The following EXOC6B variants were observed in gnomAD, a reference collection of about 807,000 sequenced individuals.
EXOC6B encodes SEC15 homolog B.
A neutral mutation model predicts 113.5 loss-of-function variants in EXOC6B; 54 were observed. The observed-to-expected ratio is 0.48, with a 90% CI of 0.38 to 0.60. EXOC6B has a LOEUF of 0.60. Ranked by LOEUF, EXOC6B falls within the 20% of genes least tolerant of loss-of-function variation. The pLI is 0.00. For synonymous variants in EXOC6B, 357 were observed against 339.0 expected (o/e 1.05, Z -0.58); for missense variants, 797 against 977.5 (o/e 0.82, Z 2.46).
chr2:72,418,734 A>G (rs1467944872), intron 18 of EXOC6B, among the ~76,000 whole-genome samples: 1 of 152,078 alleles, frequency 6.6e-6, no homozygotes, highest in Admixed American at 6.5e-5. Flanking sequence ...GATAGCCCAT[A>G]ATTGGACCAT....
intron 6 of EXOC6B, among the ~76,000 whole-genome samples, chr2:72,704,234 A>T (rs906008977): frequency 6.0e-5 from 9 of 150,878 alleles, no homozygotes; most frequent in Admixed American, 5.3e-4. Context: ...ACTACTGGGT[A>T]CATAACGAAA....
At chr2:72,724,290 A>C (rs1469720712) in intron 5 of EXOC6B, among the ~76,000 whole-genome samples, 4 of 152,204 alleles carry the variant, frequency 2.6e-5, no homozygotes, top group Admixed American at 6.5e-5. Flanking sequence ...TCAAACTCTG[A>C]ACAGTCAAAA....
At chr2:72,501,481 T>C (rs1403824513) in intron 11 of EXOC6B, among the ~76,000 whole-genome samples, 1 of 152,152 alleles carries the variant, frequency 6.6e-6, no homozygotes, top group Non-Finnish European at 1.5e-5. Flanking sequence ...ACCTCTTTTC[T>C]TTACAAATTA....
At chr2:72,382,829 G>A (rs575297451) in intron 18 of EXOC6B, among the ~76,000 whole-genome samples, 3 of 152,072 alleles carry the variant, frequency 2.0e-5, no homozygotes, top group Middle Eastern at 3.4e-3. Flanking sequence ...TGGTGCTATT[G>A]GATGCTATTG....
chr2:72,366,614 T>A (rs765021193), intron 19 of EXOC6B, among the ~76,000 whole-genome samples: 16 of 152,026 alleles, frequency 1.1e-4, no homozygotes, highest in Non-Finnish European at 1.8e-4. Context: ...AGAATTAACA[T>A]AAAGAATCCC....
At chr2:72,437,845 AG>A (rs1276852744) in intron 18 of EXOC6B, among the ~76,000 whole-genome samples, 1 of 152,232 alleles carries the variant, frequency 6.6e-6, no homozygotes, top group Non-Finnish European at 1.5e-5. Flanking sequence ...TTAAACCTAG[AG>A]TAAATCTATT....
intron 20 of EXOC6B, among the ~76,000 whole-genome samples, chr2:72,291,786 C>T (rs976898206): frequency 1.3e-5 from 2 of 152,160 alleles, no homozygotes; most frequent in Non-Finnish European, 2.9e-5. Flanking sequence ...ATACTATTGT[C>T]CTGCTTCTGG....
chr2:72,423,720 C>CACACA (rs1172550358), intron 18 of EXOC6B, among the ~76,000 whole-genome samples: 2 of 152,116 alleles, frequency 1.3e-5, no homozygotes, highest in African/African-American at 4.8e-5. Context: ...CATGCATGCA[C>CACACA]CCGTGTGTGT....
intron 14 of EXOC6B, 59 bp from the exon 15 acceptor site, chr2:72,495,598 A>C: frequency 1.1e-6 from 1 of 923,478 alleles, no homozygotes; most frequent in Non-Finnish European, 1.7e-6. Flanking sequence ...GAAGATATTT[A>C]TAAATTATTT....
intron 18 of EXOC6B, among the ~76,000 whole-genome samples, chr2:72,409,114 A>C (rs1329088234): frequency 2.0e-5 from 3 of 152,220 alleles, no homozygotes; most frequent in Admixed American, 6.5e-5. Context: ...ACACATGAAA[A>C]AATGCTTATC....
At chr2:72,202,754 G>C (rs1206477472) in intron 20 of EXOC6B, among the ~76,000 whole-genome samples, 2 of 152,180 alleles carry the variant, frequency 1.3e-5, no homozygotes, top group African/African-American at 2.4e-5. Context: ...TCCTTGACTA[G>C]TCCTTCTCAT....
intron 6 of EXOC6B, among the ~76,000 whole-genome samples, chr2:72,665,227 G>A (rs1558896198): frequency 6.6e-6 from 1 of 152,118 alleles, no homozygotes; most frequent in Non-Finnish European, 1.5e-5. Flanking sequence ...CCCAGGAGTG[G>A]ACCTGGTGAA....
At chr2:72,423,353 G>C (rs768899287) in intron 18 of EXOC6B, among the ~76,000 whole-genome samples, 1 of 152,064 alleles carries the variant, frequency 6.6e-6, no homozygotes, top group Non-Finnish European at 1.5e-5. Flanking sequence ...CTTCATTCTC[G>C]AAGTCAGTGA....
chr2:72,386,205 G>A (rs371062099), intron 18 of EXOC6B, among the ~76,000 whole-genome samples: 1 of 151,226 alleles, frequency 6.6e-6, no homozygotes, highest in Non-Finnish European at 1.5e-5. Context: ...ATGCTCATAG[G>A]CATGAGCAAA....
At chr2:72,461,168 T>C (rs1221809535) in intron 18 of EXOC6B, among the ~76,000 whole-genome samples, 1 of 125,276 alleles carries the variant, frequency 8.0e-6, no homozygotes, top group Non-Finnish European at 1.6e-5. Flanking sequence ...TGAGAACACA[T>C]GGACACAGGA....
At chr2:72,439,935 T>A (rs896973069) in intron 18 of EXOC6B, among the ~76,000 whole-genome samples, 1 of 152,204 alleles carries the variant, frequency 6.6e-6, no homozygotes, top group Admixed American at 6.5e-5. Flanking sequence ...ATATGGCTGC[T>A]GTGGTTTGCT....
intron 20 of EXOC6B, among the ~76,000 whole-genome samples, chr2:72,195,031 T>C (rs41398): frequency 0.3 from 44,993 of 152,044 alleles, 7,165 homozygotes; most frequent in African/African-American, 0.38. Flanking sequence ...CAGTGACCAA[T>C]TGCCTATCAG....
intron 21 of EXOC6B, among the ~76,000 whole-genome samples, chr2:72,180,503 A>G (rs1678010870): frequency 6.6e-6 from 1 of 152,238 alleles, no homozygotes; most frequent in Non-Finnish European, 1.5e-5. Flanking sequence ...GTGTTAGACA[A>G]TTGAGAACAT....
chr2:72,660,417 G>A (rs970130869), intron 6 of EXOC6B, among the ~76,000 whole-genome samples: 4 of 152,140 alleles, frequency 2.6e-5, no homozygotes, highest in South Asian at 4.1e-4. Context: ...AGAATTACCT[G>A]TTGTGTCATC....
Sources: allele counts gnomAD v4.1 joint callset (sites outside exome capture counted in the v4.1 genomes callset), GRCh38; gene constraint gnomAD v4.1.1; transcripts MANE v1.5; gene names NCBI Gene and HGNC (gene_info 2026-07-23, HGNC 2026-07-21).